Variants in MND1 observed in about 807,000 individuals in gnomAD.
The protein encoded by MND1 is meiotic nuclear division protein 1 homolog.
MND1 carries 28 observed loss-of-function variants against 35.1 expected under a neutral mutation model. The observed-to-expected ratio is 0.80, with a 90% CI of 0.59 to 1.09. The LOEUF (loss-of-function observed/expected upper bound fraction) is 1.09, where lower values mean the gene tolerates loss of function less well. MND1 is among the 50% of genes least tolerant of loss of function. The probability of loss-of-function intolerance (pLI) is 0.00; values close to 1 mark genes in which losing one functional copy is unlikely to be tolerated. For missense variants in MND1, 213 were observed against 239.6 expected (o/e 0.89, Z 0.73); for synonymous variants, 69 against 70.5 (o/e 0.98, Z 0.11).
chr4:153,409,072 G>A (rs779479959), intron 7 of MND1, 57 bp downstream of exon 7: 6 of 1,043,500 alleles, frequency 5.7e-6, no homozygotes, highest in African/African-American at 3.3e-5. Context: ...CACTTACTGC[G>A]ACGTGAAATT....
chr4:153,394,842 CCTA>C (rs561386594), intron 5 of MND1, among the ~76,000 whole-genome samples: 107 of 151,994 alleles, frequency 7.0e-4, no homozygotes, highest in African/African-American at 1.9e-3. Context: ...TAAATATTGA[CCTA>C]CTATTTTATT....
At chr4:153,395,131 A>G (rs985643928) in intron 5 of MND1, among the ~76,000 whole-genome samples, 1 of 152,214 alleles carries the variant, frequency 6.6e-6, no homozygotes, top group African/African-American at 2.4e-5. Flanking sequence ...TTTTATGTGA[A>G]TCATCAGCAC....
At chr4:153,365,341 T>TAAGAGA (rs1773608777) in intron 4 of MND1, among the ~76,000 whole-genome samples, 1 of 152,004 alleles carries the variant, frequency 6.6e-6, no homozygotes, top group East Asian at 1.9e-4. Flanking sequence ...AGATAACTCA[T>TAAGAGA]AAAATAAGAG....
chr4:153,344,691 T>A lies in MND1; in HGVS notation c.-47T>A. The A allele has an allele frequency of 1.3e-6, 2 of 1,554,642 alleles. No homozygotes were observed. The highest frequency in any genetic ancestry group is 1.7e-6 in the Non-Finnish European group (2 of 1,148,928). The stretch of plus-strand genomic sequence containing the variant: ...AACGCGTCCTGGCCTGTCCCGCCCC[T>A]CTCCCCAAGCGCGGGCCCGGCCAGC... On this transcript the variant is annotated 5_prime_UTR_variant, in exon 1 of 8. Transcript: ENST00000240488.
At chr4:153,389,664 G>T (rs540643610) in intron 4 of MND1, among the ~76,000 whole-genome samples, 2 of 152,214 alleles carry the variant, frequency 1.3e-5, no homozygotes, top group East Asian at 3.9e-4. Flanking sequence ...CCCAGCCCAT[G>T]CCTTTTTAAA....
At position 153,394,252 on chromosome 4, in the gene MND1, G is replaced by T; in HGVS notation, c.277-10G>T. On this transcript the variant is annotated splice_polypyrimidine_tract_variant and intron_variant, in intron 4 of 7. Transcript: ENST00000240488. ...TTAGCAAGCTGTTTTATTTGTTTTTGATTCTCTAGTTGTCTGAGGGAAGTC... is the reference window on the plus strand; with the variant it reads ...TTAGCAAGCTGTTTTATTTGTTTTTTATTCTCTAGTTGTCTGAGGGAAGTC... 2 of 1,609,944 alleles carry T rather than the reference G, an allele frequency of 1.2e-6. No homozygotes were observed. Among genetic ancestry groups the T allele is most frequent in the South Asian group, 2.2e-5 (2 of 90,724 alleles).
chr4:153,372,411 A>G (rs1426717100), intron 4 of MND1, among the ~76,000 whole-genome samples: 1 of 151,220 alleles, frequency 6.6e-6, no homozygotes, highest in East Asian at 1.9e-4. Flanking sequence ...ATGTGTGTAT[A>G]TCTTCTTAGT....
At chr4:153,408,882 A>T in intron 6 of MND1, 89 bp from the exon 7 acceptor site, 1 of 387,746 alleles carries the variant, frequency 2.6e-6, no homozygotes, top group Non-Finnish European at 4.0e-6. Context: ...AAAAATACAA[A>T]TGTATACATA....
chr4:153,382,432 G>A (rs1180846464), intron 4 of MND1, among the ~76,000 whole-genome samples: 2 of 152,160 alleles, frequency 1.3e-5, no homozygotes, highest in African/African-American at 4.8e-5. Flanking sequence ...TAGCTATATA[G>A]CCCATGGAAG....
chr4:153,397,453 TTC>T, intron 6 of MND1, 120 bp downstream of exon 6: 1 of 665,532 alleles, frequency 1.5e-6, no homozygotes, highest in South Asian at 2.4e-5. Flanking sequence ...TAAGGTAGTA[TTC>T]TGTTTGTAGT....
At chr4:153,404,286 ATTC>A (rs1298756726) in intron 6 of MND1, among the ~76,000 whole-genome samples, 1 of 146,848 alleles carries the variant, frequency 6.8e-6, no homozygotes, top group African/African-American at 2.5e-5. Flanking sequence ...GGTTCAAGCA[ATTC>A]TTCTGCCTCA....
chr4:153,395,237 A>G (rs17029925), intron 5 of MND1, among the ~76,000 whole-genome samples: 9,793 of 152,306 alleles, frequency 0.064, 510 homozygotes, highest in African/African-American at 0.15. Flanking sequence ...TTTCCTCTTC[A>G]GTTGACAGTA....
At chr4:153,405,209 G>T (rs1158670531) in intron 6 of MND1, among the ~76,000 whole-genome samples, 1 of 152,084 alleles carries the variant, frequency 6.6e-6, no homozygotes, top group African/African-American at 2.4e-5. Context: ...CAAAGTTACA[G>T]ACTCAAATTT....
chr4:153,373,923 C>G (rs1728401432), intron 4 of MND1, among the ~76,000 whole-genome samples: 1 of 152,200 alleles, frequency 6.6e-6, no homozygotes. Context: ...CTGTGCCCCT[C>G]AGCCATTGTT....
intron 6 of MND1, among the ~76,000 whole-genome samples, chr4:153,405,484 C>T (rs1036712022): frequency 7.3e-5 from 11 of 151,058 alleles, no homozygotes; most frequent in Non-Finnish European, 1.2e-4. Flanking sequence ...TGCAGTGAGC[C>T]GAGATCATGC....
At chr4:153,398,927 G>C (rs1184112013) in intron 6 of MND1, among the ~76,000 whole-genome samples, 1 of 152,202 alleles carries the variant, frequency 6.6e-6, no homozygotes, top group Admixed American at 6.5e-5. Flanking sequence ...CAGACTGCTT[G>C]TTCAGGAGGA....
intron 4 of MND1, among the ~76,000 whole-genome samples, chr4:153,366,307 T>G (rs1285114203): frequency 6.6e-6 from 1 of 152,218 alleles, no homozygotes; most frequent in Non-Finnish European, 1.5e-5. Flanking sequence ...AAGGTGCCAT[T>G]CACAGGTTCC....
At chr4:153,355,832 T>C in intron 3 of MND1, 121 bp downstream of exon 3, 1 of 661,712 alleles carries the variant, frequency 1.5e-6, no homozygotes, top group South Asian at 2.0e-5. Context: ...AAAACCTAAA[T>C]TTCTAGAGAC....
chr4:153,365,351 G>GA (rs1009620388), intron 4 of MND1, among the ~76,000 whole-genome samples: 2 of 152,030 alleles, frequency 1.3e-5, no homozygotes, highest in African/African-American at 4.8e-5. Flanking sequence ...TAAAATAAGA[G>GA]AAAAAACTCT....
Sources: allele counts gnomAD v4.1 joint callset (sites outside exome capture counted in the v4.1 genomes callset), GRCh38; gene constraint gnomAD v4.1.1; transcripts MANE v1.5; gene names NCBI Gene and HGNC (gene_info 2026-07-23, HGNC 2026-07-21).